Variants in PARP12 observed in about 807,000 individuals in gnomAD.
PARP12 encodes poly(ADP-ribose) polymerase family member 12.
In PARP12, 59 loss-of-function variants were observed where a neutral mutation model predicts 72.4. The observed-to-expected ratio is 0.81, with a 90% CI of 0.66 to 1.01. The LOEUF (loss-of-function observed/expected upper bound fraction) is 1.01, where lower values mean the gene tolerates loss of function less well. Ranked by LOEUF, PARP12 falls within the 50% of genes least tolerant of loss-of-function variation. PARP12 has a pLI of 0.00. For synonymous variants in PARP12, 403 were observed against 371.4 expected (o/e 1.09, Z -0.98); for missense variants, 851 against 914.0 (o/e 0.93, Z 0.89).
At chr7:140,054,569 G>T in intron 4 of PARP12, 93 bp downstream of exon 4, 1 of 1,069,294 alleles carries the variant, frequency 9.4e-7, no homozygotes. Flanking sequence ...ATGGGGTAGA[G>T]GTTTGGTAGG....
rs1023040353 is a variant in PARP12, at chr7:140,027,492, G to C, written c.1498-86C>G. 31 of 1,520,530 alleles carry C rather than the reference G, an allele frequency of 2.0e-5. No homozygotes were observed. The African/African-American group carries it at 3.7e-4, about 18-fold the overall frequency. The allele number at this position is 1,520,530 out of a possible 1,614,324, so 94.2% of individuals were successfully genotyped here. ...TTCCCAAAGCTTCTTGTAAACACTA[G>C]AACCGCAGAAGCACAAAAGCCCAGA... On this transcript the variant is annotated intron_variant, in intron 9 of 11. Transcript: ENST00000263549.
At chr7:140,048,767 T>C (rs1224226393) in intron 4 of PARP12, among the ~76,000 whole-genome samples, 1 of 152,090 alleles carries the variant, frequency 6.6e-6, no homozygotes, top group Non-Finnish European at 1.5e-5. Context: ...AAATTATACA[T>C]CTAATTAAGT....
At position 140,041,430 on chromosome 7, in the gene PARP12, C is replaced by T. The variant is rs184801803; in HGVS notation, c.1182+214G>A. The T allele has an allele frequency of 1.6e-3, 733 of 463,018 alleles. 8 individuals carry two copies. The Admixed American group carries it at 0.022, about 14-fold the overall frequency. The allele number at this position is 463,018 out of a possible 1,614,324, so 28.7% of individuals were successfully genotyped here. ...TTGTCATTCAGTTCTCATGAGCCAA[C>T]AGATGGAAGCTCTTCAAAGATGAAA... On this transcript the variant is annotated intron_variant, in intron 6 of 11. Coordinates refer to ENST00000263549, the MANE Select transcript of PARP12 (RefSeq NM_022750.4).
At chr7:140,039,505 G>A (rs1277148804) in intron 6 of PARP12, among the ~76,000 whole-genome samples, 1 of 152,212 alleles carries the variant, frequency 6.6e-6, no homozygotes, top group African/African-American at 2.4e-5. Context: ...GTGTTAAGCT[G>A]AGAAAGGTCT....
At chr7:140,052,992 G>A (rs185276285) in intron 4 of PARP12, among the ~76,000 whole-genome samples, 16 of 152,242 alleles carry the variant, frequency 1.1e-4, no homozygotes, top group Non-Finnish European at 1.5e-4. Context: ...ACTCTCACAC[G>A]TTGCTGGTGG....
rs1815774360 is a variant in PARP12 at position 140,027,289 on chromosome 7, C to G, written c.1615G>C (p.Glu539Gln). 1 of 1,613,820 alleles carries G rather than the reference C, an allele frequency of 6.2e-7. No homozygotes were observed. The highest frequency in any genetic ancestry group is 8.5e-7 in the Non-Finnish European group (1 of 1,179,840). The change falls in exon 10 of 12, where the codon GAA (glutamate) becomes CAA (glutamine). Residue 539 changes from glutamate to glutamine, a missense_variant. Around this residue, in one of 3 missense-constraint regions of PARP12, gnomAD observed 347 missense variants for 396.1 expected, o/e 0.88. Transcript: ENST00000263549. ...IERVQNLALW[E>Q]VYQWQKGQMQ... is the part of the protein sequence containing the mutation. ...GCCCCAACGCACCACTGGTAGACTTCCCAGAGGGCCAGGTTCTGTACTCGC... is the reference window on the plus strand; with the variant it reads ...GCCCCAACGCACCACTGGTAGACTTGCCAGAGGGCCAGGTTCTGTACTCGC...
At chr7:140,037,969 G>A in intron 6 of PARP12, 113 bp from the exon 7 acceptor site, 2 of 1,475,960 alleles carry the variant, frequency 1.4e-6, no homozygotes, top group Non-Finnish European at 9.0e-7. Flanking sequence ...GTCCTGTGGT[G>A]GGGAAGATGG....
At chr7:140,052,684 T>C (rs1055014809) in intron 4 of PARP12, among the ~76,000 whole-genome samples, 2 of 152,078 alleles carry the variant, frequency 1.3e-5, no homozygotes, top group Non-Finnish European at 2.9e-5. Flanking sequence ...ACTCCATGCA[T>C]AATTTTTTCA....
At chr7:140,047,622 C>A (rs141689253) in intron 4 of PARP12, among the ~76,000 whole-genome samples, 3 of 152,150 alleles carry the variant, frequency 2.0e-5, no homozygotes, top group East Asian at 3.9e-4. Context: ...TTTAACAGGA[C>A]CTTACTTTTT....
At chr7:140,047,048 C>T in intron 4 of PARP12, 41 bp from the exon 5 acceptor site, 1 of 1,578,670 alleles carries the variant, frequency 6.3e-7, no homozygotes, top group South Asian at 1.2e-5. Flanking sequence ...CTGGGCAATA[C>T]ACAGCATGCC....
chr7:140,041,335 G>A (rs1187911051), intron 6 of PARP12: 2 of 254,768 alleles, frequency 7.9e-6, no homozygotes, highest in African/African-American at 4.4e-5. Flanking sequence ...TAAGTTACCT[G>A]TTCAACAAGA....
At chr7:140,062,429 G>T in intron 1 of PARP12, 93 bp downstream of exon 1, 1 of 1,299,826 alleles carries the variant, frequency 7.7e-7, no homozygotes, top group Non-Finnish European at 1.0e-6. Context: ...CGAATTGTCT[G>T]CTCAAACTTC....
At chr7:140,041,128 C>T (rs1816451056) in intron 6 of PARP12, among the ~76,000 whole-genome samples, 1 of 152,232 alleles carries the variant, frequency 6.6e-6, no homozygotes, top group African/African-American at 2.4e-5. Flanking sequence ...TCCACAAACA[C>T]CTGCGAAGAA....
intron 8 of PARP12, among the ~76,000 whole-genome samples, chr7:140,031,207 C>T (rs930756482): frequency 5.9e-5 from 9 of 151,494 alleles, no homozygotes; most frequent in Non-Finnish European, 7.4e-5. Context: ...ACCCTGTCTC[C>T]ACAACAAATA....
In PARP12 at chr7:140,062,432, C is replaced by G. The variant is rs1024208869; in HGVS notation, c.326+90G>C. ...GGGCAGAGCCACCGAATTGTCTGCTCAAACTTCAAGTAGGACCCCCAAGCG... is the reference window on the plus strand; with the variant it reads ...GGGCAGAGCCACCGAATTGTCTGCTGAAACTTCAAGTAGGACCCCCAAGCG... On this transcript the variant is annotated intron_variant, in intron 1 of 11. Transcript: ENST00000263549. 30 of 1,332,944 alleles carry G rather than the reference C, an allele frequency of 2.3e-5. No homozygotes were observed. In the African/African-American group the frequency reaches 4.0e-4, roughly 18 times the overall value. 82.6% of individuals were successfully genotyped at this position (1,332,944 alleles called of 1,614,324 possible). A position where few individuals can be genotyped will look rare whatever the true frequency, so the allele number is the denominator to read the frequency against.
intron 3 of PARP12, among the ~76,000 whole-genome samples, chr7:140,055,290 G>T (rs937948024): frequency 6.6e-6 from 1 of 151,940 alleles, no homozygotes; most frequent in Non-Finnish European, 1.5e-5. Context: ...ATCAGAATTG[G>T]GTACTAATAC....
At position 140,026,182 on chromosome 7, in the gene PARP12, C is replaced by A. The variant is rs1451509399; in HGVS notation, c.1780+15G>T. 2.5e-6 allele frequency: 4 copies of A among 1,614,152 alleles called. No homozygotes were observed. The highest frequency in any genetic ancestry group is 3.4e-6 in the Non-Finnish European group (4 of 1,180,040). On this transcript the variant is annotated intron_variant, in intron 11 of 11. Coordinates refer to ENST00000263549, the MANE Select transcript of PARP12 (RefSeq NM_022750.4). ...GCAACATGGGTTTTGCTGGTGGAGG[C>A]CAGTCATGCCTTACCCTTGCCGTAG...
intron 11 of PARP12, 116 bp downstream of exon 11, chr7:140,026,081 T>C: frequency 6.9e-7 from 1 of 1,453,268 alleles, no homozygotes; most frequent in East Asian, 2.3e-5. Flanking sequence ...CCACCACACA[T>C]GGAGTCTGAA....
chr7:140,046,329 T>G (rs1237201998), intron 5 of PARP12, among the ~76,000 whole-genome samples: 1 of 152,202 alleles, frequency 6.6e-6, no homozygotes, highest in African/African-American at 2.4e-5. Context: ...GAAAAATATG[T>G]TAAGTATCTG....
Sources: gnomAD v4.1 joint callset for allele counts (sites outside exome capture counted in the v4.1 genomes callset) on GRCh38, gnomAD v4.1.1 for gene constraint, gnomAD v4.1.1 regional missense constraint, MANE v1.5 for transcripts, NCBI Gene and HGNC (gene_info 2026-07-23, HGNC 2026-07-21) for gene names.